The following NFIA variants were observed in gnomAD, a reference collection of about 807,000 sequenced individuals.
The protein encoded by NFIA is nuclear factor I A, also known as nuclear factor 1 A-type.
Under a neutral mutation model 62.8 loss-of-function variants are expected in NFIA, and 8 were observed. That is an observed-to-expected ratio of 0.13 (90% CI 0.07 to 0.23). The LOEUF is 0.23. Ranked by LOEUF, NFIA falls within the 10% of genes least tolerant of loss-of-function variation. The pLI, the probability that NFIA is intolerant of heterozygous loss-of-function variation, is 1.00. For missense variants in NFIA, 410 were observed against 642.1 expected (o/e 0.64, Z 3.91); for synonymous variants, 235 against 238.1 (o/e 0.99, Z 0.12).
chr1:61,267,458 G>A (rs562764913), intron 2 of NFIA, among the ~76,000 whole-genome samples: 161 of 152,140 alleles, frequency 1.1e-3, no homozygotes, highest in African/African-American at 3.6e-3. Context: ...GCAGTGAGCC[G>A]AGATTGCACC....
intron 10 of NFIA, among the ~76,000 whole-genome samples, chr1:61,430,237 T>C (rs1047084231): frequency 6.6e-6 from 1 of 152,252 alleles, no homozygotes; most frequent in Non-Finnish European, 1.5e-5. Flanking sequence ...GCACTAATTA[T>C]CATGCCCAGC....
chr1:61,106,550 T>A (rs1646604593), intron 2 of NFIA, among the ~76,000 whole-genome samples: 1 of 151,904 alleles, frequency 6.6e-6, no homozygotes, highest in African/African-American at 2.4e-5. Context: ...GTAAAATAAT[T>A]CAAAATGGAA....
intron 2 of NFIA, among the ~76,000 whole-genome samples, chr1:61,151,422 G>A (rs334704): frequency 0.93 from 139,056 of 150,154 alleles, 64,564 homozygotes; most frequent in Middle Eastern, 0.97. Context: ...GGTAAGGGAA[G>A]ACGATCCAAT....
chr1:61,275,057 G>T (rs1255113857), intron 2 of NFIA, among the ~76,000 whole-genome samples: 1 of 152,144 alleles, frequency 6.6e-6, no homozygotes, highest in African/African-American at 2.4e-5. Flanking sequence ...GTCCTCAGAT[G>T]GATAGCGGTG....
chr1:61,222,821 CAT>C (rs1422326521), intron 2 of NFIA, among the ~76,000 whole-genome samples: 1 of 151,944 alleles, frequency 6.6e-6, no homozygotes, highest in South Asian at 2.1e-4. Flanking sequence ...GCTACAGTGA[CAT>C]AAATAATTCC....
intron 2 of NFIA, among the ~76,000 whole-genome samples, chr1:61,128,116 A>G (rs935255738): frequency 1.3e-5 from 2 of 152,018 alleles, no homozygotes. Context: ...TAATTTTTAA[A>G]TTTTTATTCA....
intron 10 of NFIA, among the ~76,000 whole-genome samples, chr1:61,447,299 C>T (rs1360019794): frequency 2.6e-5 from 4 of 152,130 alleles, no homozygotes; most frequent in Admixed American, 1.3e-4. Context: ...GGCTAACTTC[C>T]CATATGGAAA....
At chr1:61,119,045 T>C (rs9804149) in intron 2 of NFIA, among the ~76,000 whole-genome samples, 14 of 152,072 alleles carry the variant, frequency 9.2e-5, no homozygotes, top group Admixed American at 2.0e-4. Context: ...CAGGAAATTA[T>C]TCAGGCTAAT....
At chr1:61,382,780 G>T (rs1434583311) in intron 6 of NFIA, among the ~76,000 whole-genome samples, 1 of 151,970 alleles carries the variant, frequency 6.6e-6, no homozygotes, top group African/African-American at 2.4e-5. Flanking sequence ...ATTGTTGAGG[G>T]TATTCTTATG....
intron 2 of NFIA, among the ~76,000 whole-genome samples, chr1:61,192,021 G>A (rs1041748281): frequency 1.3e-5 from 2 of 151,888 alleles, no homozygotes; most frequent in African/African-American, 2.4e-5. Context: ...TTGCAGTGGT[G>A]CAGTCTCAGC....
intron 10 of NFIA, among the ~76,000 whole-genome samples, chr1:61,439,722 C>G (rs1466340735): frequency 1.3e-5 from 2 of 152,112 alleles, no homozygotes; most frequent in African/African-American, 2.4e-5. Flanking sequence ...AAATTGGGAA[C>G]TAAGGTATTC....
intron 2 of NFIA, among the ~76,000 whole-genome samples, chr1:61,175,170 C>G (rs539195121): frequency 6.6e-6 from 1 of 151,802 alleles, no homozygotes; most frequent in Non-Finnish European, 1.5e-5. Flanking sequence ...GAGACAGGAT[C>G]TCACTCTCTT....
intron 2 of NFIA, among the ~76,000 whole-genome samples, chr1:61,240,870 A>G (rs1359322729): frequency 2.0e-5 from 3 of 152,084 alleles, no homozygotes; most frequent in Non-Finnish European, 4.4e-5. Context: ...AACGTAAGGG[A>G]AAAGAGTGAA....
chr1:61,261,683 C>A (rs1338159982), intron 2 of NFIA, among the ~76,000 whole-genome samples: 1 of 152,102 alleles, frequency 6.6e-6, no homozygotes, highest in Non-Finnish European at 1.5e-5. Flanking sequence ...GTTAACTTTA[C>A]GTGGAAATGT....
At chr1:61,367,327 C>T (rs1663642235) in intron 6 of NFIA, among the ~76,000 whole-genome samples, 1 of 152,200 alleles carries the variant, frequency 6.6e-6, no homozygotes, top group South Asian at 2.1e-4. Context: ...GTGCTTTGAT[C>T]ATGGACACTC....
At chr1:61,143,890 A>G (rs962637624) in intron 2 of NFIA, among the ~76,000 whole-genome samples, 5 of 152,228 alleles carry the variant, frequency 3.3e-5, no homozygotes, top group African/African-American at 1.2e-4. Context: ...CTGAGAGGCC[A>G]AAGGATATGC....
At chr1:61,199,907 A>G (rs914703331) in intron 2 of NFIA, among the ~76,000 whole-genome samples, 50 of 150,564 alleles carry the variant, frequency 3.3e-4, no homozygotes, top group Admixed American at 6.6e-4. Flanking sequence ...AGGCAGGAGA[A>G]TCACTTGAAA....
At chr1:61,181,004 T>G (rs561994742) in intron 2 of NFIA, among the ~76,000 whole-genome samples, 1 of 152,308 alleles carries the variant, frequency 6.6e-6, no homozygotes, top group South Asian at 2.1e-4. Flanking sequence ...GCTAAAATTT[T>G]TATTATTGAG....
intron 2 of NFIA, among the ~76,000 whole-genome samples, chr1:61,270,245 A>T (rs780201909): frequency 4.6e-5 from 7 of 152,310 alleles, no homozygotes; most frequent in Admixed American, 2.6e-4. Context: ...TATTTGAACC[A>T]CACAACATCC....
Sources: gnomAD v4.1 joint callset for allele counts (sites outside exome capture counted in the v4.1 genomes callset) on GRCh38, gnomAD v4.1.1 for gene constraint, MANE v1.5 for transcripts, NCBI Gene and HGNC (gene_info 2026-07-23, HGNC 2026-07-21) for gene names.